Variants in ANKS1B observed in about 807,000 individuals in gnomAD.
ANKS1B encodes the protein ankyrin repeat and sterile alpha motif domain containing 1B, also known as ankyrin repeat and sterile alpha motif domain-containing protein 1B.
In ANKS1B, 36 loss-of-function variants were observed where a neutral mutation model predicts 148.3. The ratio of observed to expected loss-of-function variants is 0.24; its 90% CI spans 0.19 to 0.32. The LOEUF (loss-of-function observed/expected upper bound fraction) is 0.32, where lower values mean the gene tolerates loss of function less well. Among genes scored for constraint, ANKS1B ranks in the 10% least tolerant of loss-of-function variants. ANKS1B has a pLI of 1.00. For synonymous variants in ANKS1B, 542 were observed against 560.8 expected, an observed-to-expected ratio of 0.97 and a Z score of 0.47; for missense variants, 1,157 against 1,542.6, an observed-to-expected ratio of 0.75 and a Z score of 4.19.
At chr12:99,569,675 G>A (rs1335720314) in intron 9 of ANKS1B, among the ~76,000 whole-genome samples, 1 of 152,108 alleles carries the variant, frequency 6.6e-6, no homozygotes, top group Non-Finnish European at 1.5e-5. Flanking sequence ...TACAGGGATC[G>A]CCTTAGTTGA....
chr12:99,700,606 T>C (rs1295379019), intron 8 of ANKS1B, among the ~76,000 whole-genome samples: 4 of 152,144 alleles, frequency 2.6e-5, no homozygotes, highest in Non-Finnish European at 5.9e-5. Flanking sequence ...TTTTTCTTTA[T>C]TGAGAACTTT....
chr12:98,878,894 CG>C (rs1196481846), intron 17 of ANKS1B, among the ~76,000 whole-genome samples: 1 of 152,066 alleles, frequency 6.6e-6, no homozygotes, highest in Non-Finnish European at 1.5e-5. Context: ...TATGTAGTTT[CG>C]GAACAAAAGA....
At chr12:98,907,740 C>A (rs944844439) in intron 17 of ANKS1B, among the ~76,000 whole-genome samples, 1 of 152,192 alleles carries the variant, frequency 6.6e-6, no homozygotes, top group Non-Finnish European at 1.5e-5. Flanking sequence ...ATAATTCCCA[C>A]GTGCTGTGGG....
intron 12 of ANKS1B, among the ~76,000 whole-genome samples, chr12:99,306,734 T>C (rs1008909177): frequency 6.6e-6 from 1 of 152,154 alleles, no homozygotes; most frequent in African/African-American, 2.4e-5. Flanking sequence ...TTGTTAAAGC[T>C]GCATCTCTTT....
chr12:98,777,012 G>A (rs1027307154), intron 24 of ANKS1B, among the ~76,000 whole-genome samples: 1 of 152,148 alleles, frequency 6.6e-6, no homozygotes, highest in African/African-American at 2.4e-5. Context: ...GCAATATAGC[G>A]AGATCCCATC....
intron 15 of ANKS1B, among the ~76,000 whole-genome samples, chr12:99,134,450 G>A (rs1469415137): frequency 5.9e-5 from 9 of 151,938 alleles, no homozygotes; most frequent in Admixed American, 2.6e-4. Flanking sequence ...TCAGAACCTC[G>A]GAAGTTTCAG....
In ANKS1B at chr12:99,246,804, G is replaced by C. The variant is rs753404598; in HGVS notation, c.1817C>G (p.Ala606Gly). 8 of 1,611,928 alleles carry C rather than the reference G, an allele frequency of 5.0e-6. No individual in the cohort carries two copies. In the Admixed American group the frequency reaches 1.3e-4, roughly 27 times the overall value. ...TGGAGAGGATCCATGGAGCAGGCCT[G>C]CAAATTGCCCAGGATCATATTCTTT... The part of the protein sequence containing the change: ...PPKEYDPGQF[A>G]GLLHGSSPAC... The change falls in exon 13 of 27, where the codon GCA (alanine) becomes GGA (glycine). Residue 606 changes from alanine to glycine, a missense_variant. Ala to Gly is a moderately conservative substitution (Grantham distance 60). Around this residue, in one of 6 missense-constraint regions of ANKS1B, gnomAD observed 661 missense variants for 642.1 expected, o/e 1.03. Coordinates refer to ENST00000683438, the MANE Select transcript of ANKS1B (RefSeq NM_001352186.2).
At chr12:99,401,004 T>C (rs1397950094) in intron 11 of ANKS1B, among the ~76,000 whole-genome samples, 3 of 145,520 alleles carry the variant, frequency 2.1e-5, no homozygotes, top group East Asian at 1.9e-4. Flanking sequence ...TAAAAAAATA[T>C]ATAAGGTGTG....
intron 14 of ANKS1B, among the ~76,000 whole-genome samples, chr12:99,209,637 C>T (rs924685109): frequency 2.6e-5 from 4 of 152,302 alleles, no homozygotes; most frequent in African/African-American, 7.2e-5. Context: ...CAGAGACATT[C>T]AAACTATAAA....
intron 15 of ANKS1B, among the ~76,000 whole-genome samples, chr12:99,125,241 T>A (rs1284301502): frequency 6.6e-6 from 1 of 152,182 alleles, no homozygotes; most frequent in Non-Finnish European, 1.5e-5. Flanking sequence ...TTTCATTCAT[T>A]CATTCCAAAA....
intron 12 of ANKS1B, among the ~76,000 whole-genome samples, chr12:99,327,305 TTA>T (rs1048317762): frequency 3.4e-5 from 4 of 117,968 alleles, no homozygotes; most frequent in African/African-American, 1.5e-4. Flanking sequence ...AAATATGTAA[TTA>T]TATATTATAA....
chr12:98,802,594 C>CTTTTTTTTT lies in ANKS1B; in HGVS notation c.3142-1478_3142-1470dup, dbSNP rs397850118. Among the ~76,000 whole-genome samples the CTTTTTTTTT allele has an allele frequency of 5.2e-4, 18 of 34,788 alleles. 4 individuals are homozygous for CTTTTTTTTT. Among genetic ancestry groups the CTTTTTTTTT allele is most frequent in the East Asian group, 1.2e-3 (1 of 832 alleles). 22.8% of individuals were successfully genotyped at this position (34,788 alleles called of 152,430 possible). ...CTAGAGGACTTCAGTAATGCACAGGCTTTTTTTTTTTTTTTTTTTTTTTTT... is the reference window on the plus strand; with the variant it reads ...CTAGAGGACTTCAGTAATGCACAGGCTTTTTTTTTTTTTTTTTTTTTTTTTTTTTTTTTT... On this transcript the variant is annotated intron_variant, in intron 20 of 26. Transcript: ENST00000683438.
chr12:99,074,864 G>C lies in ANKS1B; in HGVS notation c.2625+10061C>G, dbSNP rs144831788. On this transcript the variant is annotated intron_variant, in intron 16 of 26. Coordinates refer to ENST00000683438, the MANE Select transcript of ANKS1B (RefSeq NM_001352186.2). ...CTGGGCATTACTATGTTCATGATCT[G>C]TGTGCTCCATACCTAGGAAAGGAAG... Among the ~76,000 whole-genome samples, 1,062 of 152,288 alleles carry C rather than the reference G, an allele frequency of 7.0e-3. 13 individuals carry two copies. The highest frequency in any genetic ancestry group is 0.045 in the South Asian group (218 of 4,822).
rs1252217884 is a variant in ANKS1B at position 98,744,214 on chromosome 12, TGTTCA to T, written c.*1520_*1524del. ...AATAGGCAAAATATATACAAGGAAC[TGTTCA>T]GTTCAAGTAATTTAATATTGTATTA... On this transcript the variant is annotated 3_prime_UTR_variant, in exon 27 of 27. Coordinates refer to ENST00000683438, the MANE Select transcript of ANKS1B (RefSeq NM_001352186.2). 1.1e-5 allele frequency: 11 copies of T among 966,886 alleles called. No homozygotes were observed. The African/African-American group carries it at 1.9e-4, about 17-fold the overall frequency. The allele number at this position is 966,886 out of a possible 1,614,324, so 59.9% of individuals were successfully genotyped here. A position where few individuals can be genotyped will look rare whatever the true frequency, so the allele number is the denominator to read the frequency against.
At chr12:99,157,389 G>A (rs2076179095) in intron 14 of ANKS1B, among the ~76,000 whole-genome samples, 1 of 152,188 alleles carries the variant, frequency 6.6e-6, no homozygotes, top group South Asian at 2.1e-4. Flanking sequence ...CAAGGCACAT[G>A]CTGATTGGCC....
chr12:99,668,455 A>C (rs1030239685), intron 8 of ANKS1B, among the ~76,000 whole-genome samples: 3 of 151,850 alleles, frequency 2.0e-5, no homozygotes, highest in African/African-American at 7.3e-5. Context: ...TCTTTCATTT[A>C]AGACCTTTCT....
intron 19 of ANKS1B, among the ~76,000 whole-genome samples, chr12:98,824,616 C>T (rs975809792): frequency 2.6e-5 from 4 of 152,202 alleles, no homozygotes; most frequent in African/African-American, 7.2e-5. Context: ...CCACATAACT[C>T]GGTCCAGGTC....
At chr12:98,900,148 T>G (rs1446713522) in intron 17 of ANKS1B, among the ~76,000 whole-genome samples, 1 of 152,200 alleles carries the variant, frequency 6.6e-6, no homozygotes, top group African/African-American at 2.4e-5. Flanking sequence ...CACCTGAAAC[T>G]AGACACACCA....
intron 12 of ANKS1B, among the ~76,000 whole-genome samples, chr12:99,316,516 T>C (rs2084134474): frequency 2.6e-5 from 4 of 152,118 alleles, no homozygotes; most frequent in Admixed American, 2.0e-4. Context: ...TTTGATGGGG[T>C]TGTTTGATTT....
Sources: gnomAD v4.1 joint callset for allele counts (sites outside exome capture counted in the v4.1 genomes callset) on GRCh38, gnomAD v4.1.1 for gene constraint, gnomAD v4.1.1 regional missense constraint, MANE v1.5 for transcripts, NCBI Gene and HGNC (gene_info 2026-07-23, HGNC 2026-07-21) for gene names.